The following GCNT1 variants were observed in gnomAD, a reference collection of about 807,000 sequenced individuals.
The protein encoded by GCNT1 is glucosaminyl (N-acetyl) transferase 1.
A neutral mutation model predicts 26.2 loss-of-function variants in GCNT1; 16 were observed. The ratio of observed to expected loss-of-function variants is 0.61; its 90% CI spans 0.41 to 0.93. GCNT1 has a LOEUF of 0.93. Ranked by LOEUF, GCNT1 falls within the 40% of genes least tolerant of loss-of-function variation. The pLI, the probability that GCNT1 is intolerant of heterozygous loss-of-function variation, is 0.00. For synonymous variants in GCNT1, 183 were observed against 190.8 expected (o/e 0.96, Z 0.34); for missense variants, 477 against 526.7 (o/e 0.91, Z 0.92).
At position 76,503,959 on chromosome 9, in the gene GCNT1, G is replaced by C. The variant is rs1257289602; in HGVS notation, c.*291G>C. On this transcript the variant is annotated 3_prime_UTR_variant, in exon 4 of 4. Coordinates refer to ENST00000376730, the MANE Select transcript of GCNT1 (RefSeq NM_001490.5). ...AGAGGGGACCAGGGTGGCTGGGGAA[G>C]AGGCCGATGCATAAAGTCAGCCTGT... 7 of 411,248 alleles carry C rather than the reference G, an allele frequency of 1.7e-5. No homozygotes were observed. In the East Asian group the frequency reaches 3.4e-4, roughly 20 times the overall value. The allele number at this position is 411,248 out of a possible 1,614,324, so 25.5% of individuals were successfully genotyped here.
At chr9:76,399,934 A>G in the GCNT1 span, among the ~76,000 whole-genome samples, 3 of 152,212 alleles carry the variant, frequency 2.0e-5, no homozygotes, top group Admixed American at 2.0e-4. Flanking sequence ...AAAGACCTAG[A>G]GGAAACTTAA....
intron 2 of GCNT1, among the ~76,000 whole-genome samples, chr9:76,494,095 C>A (rs547176121): frequency 2.0e-5 from 3 of 152,152 alleles, no homozygotes; most frequent in African/African-American, 7.2e-5. Context: ...GAACCCATAA[C>A]GGTCCCTGGA....
intron 2 of GCNT1, among the ~76,000 whole-genome samples, chr9:76,465,656 GGGA>G (rs1199210778): frequency 7.2e-5 from 11 of 152,218 alleles, no homozygotes; most frequent in African/African-American, 2.7e-4. Flanking sequence ...GGCCACCCTG[GGGA>G]GGAGGAGGGT....
At position 76,500,941 on chromosome 9, in the gene GCNT1, A is replaced by G. The variant is rs1419549137; in HGVS notation, c.-264A>G. 1 of 152,194 alleles carries G rather than the reference A, an allele frequency of 6.6e-6. No homozygotes were observed. The highest frequency in any genetic ancestry group is 1.5e-5 in the Non-Finnish European group (1 of 68,036). The allele number at this position is 152,194 out of a possible 1,614,324, so 9.4% of individuals were successfully genotyped here. On this transcript the variant is annotated 5_prime_UTR_variant, in exon 3 of 4. Coordinates refer to ENST00000376730, the MANE Select transcript of GCNT1 (RefSeq NM_001490.5). ...ATTTCTTTAAAGACTCGTGCAGCAC[A>G]TCATTATCGCTGGATGCCCGGACAT...
the GCNT1 span, among the ~76,000 whole-genome samples, chr9:76,399,747 CTATTT>C: frequency 6.6e-6 from 1 of 151,098 alleles, no homozygotes; most frequent in South Asian, 2.1e-4. Context: ...TGTTTTATTT[CTATTT>C]TATTTTATTT....
intron 1 of GCNT1, among the ~76,000 whole-genome samples, chr9:76,444,536 T>C (rs1461172903): frequency 6.6e-6 from 1 of 152,158 alleles, no homozygotes; most frequent in Non-Finnish European, 1.5e-5. Context: ...GAAATGCTGC[T>C]GAGAGTACAG....
At chr9:76,462,083 A>G (rs912448189) in intron 2 of GCNT1, among the ~76,000 whole-genome samples, 1 of 152,068 alleles carries the variant, frequency 6.6e-6, no homozygotes, top group Non-Finnish European at 1.5e-5. Context: ...ACTGGAAATG[A>G]TCCCTTCTGA....
upstream of GCNT1, among the ~76,000 whole-genome samples, chr9:76,415,705 T>TG (rs1377522150): frequency 1.3e-5 from 2 of 152,232 alleles, no homozygotes; most frequent in African/African-American, 2.4e-5. Context: ...CCAAAGCACA[T>TG]GTGAAACAGA....
At chr9:76,458,550 C>T (rs933074921), upstream of GCNT1, among the ~76,000 whole-genome samples, 10 of 152,070 alleles carry the variant, frequency 6.6e-5, no homozygotes, top group Non-Finnish European at 2.9e-5. Context: ...AAAAATCCAA[C>T]GAAAGAAGAC....
At chr9:76,487,893 C>T (rs1056539640) in intron 2 of GCNT1, among the ~76,000 whole-genome samples, 18 of 152,146 alleles carry the variant, frequency 1.2e-4, no homozygotes, top group Admixed American at 4.6e-4. Flanking sequence ...CACCACCACA[C>T]GCAGATAATT....
Position 76,503,022 on chromosome 9 carries a change from T to A in GCNT1, c.641T>A (p.Ile214Lys). Reference protein sequence around the residue: ...YAMSANWKYLINLCGMDFPIK... With the variant: ...YAMSANWKYLKNLCGMDFPIK... ...ATGAGTGCAAACTGGAAGTACTTGA[T>A]AAATCTTTGTGGTATGGATTTTCCC... Residue 214 changes from isoleucine (I) to lysine (K), a missense_variant, in exon 4 of 4, where the codon ATA becomes AAA. Coordinates refer to ENST00000376730, the MANE Select transcript of GCNT1 (RefSeq NM_001490.5). 1.9e-6 allele frequency: 3 copies of A among 1,614,012 alleles called. No individual in the cohort carries two copies. Among genetic ancestry groups the A allele is most frequent in the Non-Finnish European group, 2.5e-6 (3 of 1,180,026 alleles).
chr9:76,494,818 G>A (rs994129024), intron 2 of GCNT1, among the ~76,000 whole-genome samples: 2 of 152,148 alleles, frequency 1.3e-5, no homozygotes, highest in Non-Finnish European at 2.9e-5. Flanking sequence ...TGACTTGGAG[G>A]AGAGTTCCGC....
chr9:76,492,401 G>A (rs1043657302), intron 2 of GCNT1, among the ~76,000 whole-genome samples: 12 of 152,172 alleles, frequency 7.9e-5, no homozygotes, highest in Middle Eastern at 3.4e-3. Flanking sequence ...GAAATACCTG[G>A]TTACAGGCCA....
chr9:76,480,266 C>T (rs62565115), intron 2 of GCNT1, among the ~76,000 whole-genome samples: 41,606 of 151,370 alleles, frequency 0.27, 6,032 homozygotes, highest in African/African-American at 0.32. Flanking sequence ...AGCCTTGTAG[C>T]ATAGTTTGAA....
chr9:76,492,439 C>A (rs2131631756), intron 2 of GCNT1, among the ~76,000 whole-genome samples: 1 of 151,856 alleles, frequency 6.6e-6, no homozygotes, highest in East Asian at 1.9e-4. Context: ...TGGTAAGGGA[C>A]CTTGAGGACA....
chr9:76,427,105 G>A lies in GCNT1; in HGVS notation n.38+7218G>A, dbSNP rs137932953. On this transcript the variant is annotated intron_variant and non_coding_transcript_variant, in intron 1 of 3. Transcript: ENST00000488136. ...GACAAAGAAATTTAAACACAGACAT[G>A]CACAGAGAAAAGATCATCTGAGGAC... 2.6e-3 allele frequency among the ~76,000 whole-genome samples: 397 copies of A among 151,986 alleles called. 1 individual carries two copies. The highest frequency in any genetic ancestry group is 9.2e-3 in the African/African-American group (383 of 41,482).
intron 2 of GCNT1, among the ~76,000 whole-genome samples, chr9:76,486,087 G>A (rs183265572): frequency 1.2e-4 from 19 of 152,336 alleles, no homozygotes; most frequent in African/African-American, 3.8e-4. Flanking sequence ...GCCAGATTAT[G>A]TGAGTTTGAA....
chr9:76,491,024 A>G (rs1824719783), intron 2 of GCNT1, among the ~76,000 whole-genome samples: 1 of 152,216 alleles, frequency 6.6e-6, no homozygotes, highest in Non-Finnish European at 1.5e-5. Flanking sequence ...TTCAATTATC[A>G]ATTATAGGTT....
chr9:76,480,923 T>C (rs116222753), intron 2 of GCNT1, among the ~76,000 whole-genome samples: 2,738 of 152,040 alleles, frequency 0.018, 70 homozygotes, highest in African/African-American at 0.063. Flanking sequence ...TTATAAAATA[T>C]GTTTTAATAT....
Sources: allele counts gnomAD v4.1 joint callset (sites outside exome capture counted in the v4.1 genomes callset), GRCh38; gene constraint gnomAD v4.1.1; transcripts MANE v1.5; gene names NCBI Gene and HGNC (gene_info 2026-07-23, HGNC 2026-07-21).